CCDC30: variants seen among roughly 807,000 people sequenced by gnomAD.
CCDC30 encodes the protein coiled-coil domain containing 30.
Under a neutral mutation model 100.2 loss-of-function variants are expected in CCDC30, and 70 were observed. That is an observed-to-expected ratio of 0.70 (90% CI 0.58 to 0.85). The LOEUF is 0.85. CCDC30 is among the 40% of genes least tolerant of loss of function. The pLI is 0.00. For synonymous variants in CCDC30, 233 were observed against 269.5 expected (o/e 0.86, Z 1.33); for missense variants, 652 against 771.2 (o/e 0.85, Z 1.83).
In CCDC30 at chr1:42,642,623, TGC is replaced by T; in HGVS notation, c.1556+15_1556+16del. 1 of 1,540,024 alleles carries T rather than the reference TGC, an allele frequency of 6.5e-7. No individual in the cohort carries two copies. Among genetic ancestry groups the T allele is most frequent in the Non-Finnish European group, 8.7e-7 (1 of 1,143,666 alleles). ...CATCCAGAGCAGGTAGGTGCCATCC[TGC>T]CTGGGAGCCAATAAACTCCACAAGA... On this transcript the variant is annotated intron_variant, in intron 13 of 16. Coordinates refer to ENST00000668663, the Ensembl canonical transcript of CCDC30.
At position 42,596,503 on chromosome 1, in the gene CCDC30, G is replaced by T. The variant is rs983191492; in HGVS notation, c.1164+7020G>T. Among the ~76,000 whole-genome samples the T allele has an allele frequency of 6.6e-6, 1 of 151,778 alleles. No homozygotes were observed. The highest frequency in any genetic ancestry group is 1.5e-5 in the Non-Finnish European group (1 of 67,994). On this transcript the variant is annotated intron_variant, in intron 10 of 16. Coordinates refer to ENST00000668663, the Ensembl canonical transcript of CCDC30. This position sits in a 1 kb window ranked among gnomAD's most constrained non-coding sequence, Gnocchi z 4.3. ...AACTCCAGCCAACTCTAGCCATCTC[G>T]TCCCACAAAAGGGAGGTGGGTGGAG...
intron 15 of CCDC30, among the ~76,000 whole-genome samples, chr1:42,648,174 A>G (rs1432509239): frequency 6.6e-6 from 1 of 152,084 alleles, no homozygotes; most frequent in East Asian, 1.9e-4. Context: ...TCCCGACCTC[A>G]GGTGATCCAC....
chr1:42,504,409 C>T (rs566047985), intron 6 of CCDC30, among the ~76,000 whole-genome samples: 5 of 152,276 alleles, frequency 3.3e-5, no homozygotes, highest in African/African-American at 9.6e-5. Flanking sequence ...GACTCTTTCT[C>T]ACTACTTTCT....
intron 11 of CCDC30, among the ~76,000 whole-genome samples, chr1:42,634,356 C>A (rs1647106703): frequency 6.6e-6 from 1 of 151,650 alleles, no homozygotes; most frequent in Non-Finnish European, 1.5e-5. Flanking sequence ...GTAGGAGGTG[C>A]TACTGGCATC....
At chr1:42,650,497 A>ATATGTGTGTGTGTGTGTGTGTGTG (rs1181889086) in intron 15 of CCDC30, among the ~76,000 whole-genome samples, 3 of 136,294 alleles carry the variant, frequency 2.2e-5, no homozygotes, top group East Asian at 2.1e-4. Context: ...AAAAATATAT[A>ATATGTGTGTGTGTGTGTGTGTGTG]TGTGTGTGTG....
rs1011679595 is a variant in CCDC30, at chr1:42,536,368, A to G, written c.457-29928A>G. ...TATAAACTAGTTTTCCTAGGTTCAT[A>G]AATCCCCTGGATGATTTCATTATTG... On this transcript the variant is annotated intron_variant, in intron 6 of 16. Coordinates refer to ENST00000668663, the Ensembl canonical transcript of CCDC30. 1.2e-5 allele frequency: 8 copies of G among 680,536 alleles called. No homozygotes were observed. The African/African-American group carries it at 1.5e-4, about 12-fold the overall frequency. 42.2% of individuals were successfully genotyped at this position (680,536 alleles called of 1,614,324 possible). A position where few individuals can be genotyped will look rare whatever the true frequency, so the allele number is the denominator to read the frequency against.
intron 7 of CCDC30, chr1:42,569,284 G>T (rs1489258959): frequency 2.0e-5 from 3 of 151,840 alleles, no homozygotes. Flanking sequence ...ACATTTAGAA[G>T]AAAAAAACAA....
At chr1:42,553,611 G>A (rs1235487115) in intron 6 of CCDC30, among the ~76,000 whole-genome samples, 3 of 149,462 alleles carry the variant, frequency 2.0e-5, no homozygotes, top group South Asian at 2.1e-4. Flanking sequence ...AGCTATGATC[G>A]CCCCACTGCA....
rs569550729 is a variant in CCDC30 at position 42,624,999 on chromosome 1, A to G, written c.1278-12238A>G. 9.1e-4 allele frequency among the ~76,000 whole-genome samples: 138 copies of G among 152,188 alleles called. 1 individual carries two copies. The highest frequency in any genetic ancestry group is 3.4e-3 in the Middle Eastern group (1 of 294). ...AGTGTTTGGTAGAATTCAGCAGTGA[A>G]GCCATTGGGTTCTGGCCTTTTCTTT... On this transcript the variant is annotated intron_variant, in intron 11 of 16. Transcript: ENST00000668663.
At chr1:42,524,235 G>A (rs1406887122) in intron 6 of CCDC30, among the ~76,000 whole-genome samples, 1 of 151,746 alleles carries the variant, frequency 6.6e-6, no homozygotes, top group African/African-American at 2.4e-5. Context: ...AGGGATTGCT[G>A]TTTTTGCTTT....
chr1:42,471,997 G>A (rs770285592), intron 1 of CCDC30, among the ~76,000 whole-genome samples: 18 of 152,146 alleles, frequency 1.2e-4, no homozygotes, highest in Admixed American at 2.6e-4. Context: ...TATTTGATTA[G>A]AACAGCAAGT....
intron 6 of CCDC30, 58 bp downstream of exon 9, chr1:42,545,637 G>A: frequency 6.8e-7 from 1 of 1,468,326 alleles, no homozygotes; most frequent in African/African-American, 1.4e-5. Flanking sequence ...ATTTTATTTG[G>A]CTTGATCATT....
chr1:42,463,898 A>AG lies in CCDC30; in HGVS notation c.-92+1dup, dbSNP rs1468540149. 2 of 152,196 alleles carry AG rather than the reference A, an allele frequency of 1.3e-5. No homozygotes were observed. Among genetic ancestry groups the AG allele is most frequent in the African/African-American group, 2.4e-5 (1 of 41,434 alleles). The allele number at this position is 152,196 out of a possible 1,614,324, so 9.4% of individuals were successfully genotyped here. On this transcript the variant is annotated splice_region_variant and 5_prime_UTR_variant. The change abolishes the stop of an existing upstream ORF in the 5' untranslated region. Coordinates refer to ENST00000668663, the Ensembl canonical transcript of CCDC30. ...GTATCCTCAACATCAGAGGTCATGA[A>AG]GTCAGTTACCTTCTGCCTTTCAAGC...
At chr1:42,528,415 T>C (rs1411513426) in intron 6 of CCDC30, among the ~76,000 whole-genome samples, 1 of 152,134 alleles carries the variant, frequency 6.6e-6, no homozygotes, top group African/African-American at 2.4e-5. Context: ...ACGATGAACA[T>C]AGAATTTCAA....
At chr1:42,457,486 C>A in the CCDC30 span, 1 of 724,986 alleles carries the variant, frequency 1.4e-6, no homozygotes, top group East Asian at 2.6e-5. Context: ...AGACACCGCC[C>A]TCCCTCATGG....
Position 42,503,620 on chromosome 1 carries a change from C to T in CCDC30, c.456+4704C>T, listed in dbSNP as rs546126451. ...GCTGCCATTTTGATCATGCCTAGTC[C>T]CAGGTAGCCTTTTCCTATTGGCACA... On this transcript the variant is annotated intron_variant, in intron 6 of 16. Coordinates refer to ENST00000668663, the Ensembl canonical transcript of CCDC30. Among the ~76,000 whole-genome samples, 4 of 152,322 alleles carry T rather than the reference C, an allele frequency of 2.6e-5. No homozygotes were observed. The South Asian group carries it at 8.3e-4, about 32-fold the overall frequency.
At chr1:42,541,137 G>A (rs918740910) in intron 6 of CCDC30, among the ~76,000 whole-genome samples, 1 of 152,182 alleles carries the variant, frequency 6.6e-6, no homozygotes, top group Admixed American at 6.5e-5. Flanking sequence ...GGAAATCAAA[G>A]ATCAAGATGT....
intron 11 of CCDC30, among the ~76,000 whole-genome samples, chr1:42,612,695 T>C (rs1417835302): frequency 6.6e-6 from 1 of 152,196 alleles, no homozygotes; most frequent in African/African-American, 2.4e-5. Flanking sequence ...CAAACTGCCA[T>C]GAAACTACTT....
At chr1:42,617,437 A>G (rs907471259) in intron 11 of CCDC30, among the ~76,000 whole-genome samples, 3 of 152,210 alleles carry the variant, frequency 2.0e-5, no homozygotes, top group African/African-American at 7.2e-5. Context: ...AATGGGTTCT[A>G]CTTGTCCACT....
Sources: gnomAD v4.1 joint callset for allele counts (sites outside exome capture counted in the v4.1 genomes callset) on GRCh38, gnomAD v4.1.1 for gene constraint, Gnocchi (gnomAD v3.1) non-coding constraint, MANE v1.5 for transcripts, NCBI Gene and HGNC (gene_info 2026-07-23, HGNC 2026-07-21) for gene names.